Variants in KCNJ6 observed in about 807,000 individuals in gnomAD.
KCNJ6 encodes the protein G protein-activated inward rectifier potassium channel 2.
In KCNJ6, 9 loss-of-function variants were observed where a neutral mutation model predicts 34.2. The observed-to-expected ratio is 0.26, with a 90% CI of 0.16 to 0.46. The LOEUF is 0.46. Ranked by LOEUF, KCNJ6 falls within the 20% of genes least tolerant of loss-of-function variation. KCNJ6 has a pLI of 1.00. For missense variants in KCNJ6, 236 were observed against 531.3 expected, an observed-to-expected ratio of 0.44 and a Z score of 5.46; for synonymous variants, 196 against 207.1, an observed-to-expected ratio of 0.95 and a Z score of 0.46.
At position 37,859,508 on chromosome 21, in the gene KCNJ6, T is replaced by A. The variant is rs1378379444; in HGVS notation, c.-27-18799A>T. On this transcript the variant is annotated intron_variant, in intron 1 of 3. Coordinates refer to ENST00000609713, the MANE Select transcript of KCNJ6 (RefSeq NM_002240.5). ...TACTTTATATATATATATATATATATATATATATATATATATATATATAAA... is the reference window on the plus strand; with the variant it reads ...TACTTTATATATATATATATATATAAATATATATATATATATATATATAAA... 1.0e-4 allele frequency among the ~76,000 whole-genome samples: 12 copies of A among 116,638 alleles called. 2 individuals are homozygous for A. Among genetic ancestry groups the A allele is most frequent in the African/African-American group, 4.9e-4 (12 of 24,576 alleles). 76.5% of individuals were successfully genotyped at this position (116,638 alleles called of 152,430 possible).
chr21:37,908,544 A>G (rs1322399929), intron 1 of KCNJ6, among the ~76,000 whole-genome samples: 2 of 152,230 alleles, frequency 1.3e-5, no homozygotes, highest in Non-Finnish European at 2.9e-5. Context: ...TCTTAGACAC[A>G]ATGTGGGTGT....
chr21:37,607,552 G>A lies in KCNJ6; in HGVS notation c.*17607C>T, dbSNP rs1347354743. On this transcript the variant is annotated 3_prime_UTR_variant, in exon 4 of 4. Transcript: ENST00000609713. Reference sequence around the variant, plus strand: ...AATACATAATTTGTGCTTTCGCATTGAGCATGCTTTCGTCTCATTGTCCGT... The same window carrying A: ...AATACATAATTTGTGCTTTCGCATTAAGCATGCTTTCGTCTCATTGTCCGT... The A allele has an allele frequency of 6.7e-6, 1 of 149,174 alleles. No individual in the cohort carries two copies. The highest frequency in any genetic ancestry group is 2.0e-4 in the East Asian group (1 of 5,042). 9.2% of individuals were successfully genotyped at this position (149,174 alleles called of 1,614,324 possible).
At chr21:37,689,496 A>G (rs2054630202) in intron 3 of KCNJ6, among the ~76,000 whole-genome samples, 2 of 152,068 alleles carry the variant, frequency 1.3e-5, no homozygotes, top group South Asian at 4.1e-4. Flanking sequence ...CCAATAGAGG[A>G]GAGTTACAGT....
At chr21:37,789,873 T>C (rs1327099668) in intron 2 of KCNJ6, among the ~76,000 whole-genome samples, 1 of 152,190 alleles carries the variant, frequency 6.6e-6, no homozygotes, top group Non-Finnish European at 1.5e-5. Flanking sequence ...TGGACACATA[T>C]GCATTAGTCT....
chr21:37,901,427 A>G (rs765812032), intron 1 of KCNJ6, among the ~76,000 whole-genome samples: 4 of 152,192 alleles, frequency 2.6e-5, no homozygotes, highest in Non-Finnish European at 4.4e-5. Context: ...CCACATGGAA[A>G]TAGAGGGATA....
intron 2 of KCNJ6, among the ~76,000 whole-genome samples, chr21:37,828,777 G>C (rs2055411065): frequency 6.6e-6 from 1 of 152,182 alleles, no homozygotes; most frequent in South Asian, 2.1e-4. Flanking sequence ...CTGAGGCTCA[G>C]CGCTTCCTAA....
chr21:37,733,555 G>A (rs1245023510), intron 2 of KCNJ6, among the ~76,000 whole-genome samples: 2 of 151,964 alleles, frequency 1.3e-5, no homozygotes, highest in Non-Finnish European at 2.9e-5. Context: ...AGGGACTGTT[G>A]GTCAACAGCT....
At chr21:37,855,545 T>C (rs962766654) in intron 1 of KCNJ6, among the ~76,000 whole-genome samples, 2 of 152,136 alleles carry the variant, frequency 1.3e-5, no homozygotes, top group Non-Finnish European at 2.9e-5. Context: ...AACAGTTTTG[T>C]GACAAAAAGA....
In KCNJ6 at chr21:37,625,911, A is replaced by G. The variant is rs150375053; in HGVS notation, c.947-427T>C. Among the ~76,000 whole-genome samples the G allele has an allele frequency of 1.3e-4, 20 of 152,352 alleles. No homozygotes were observed. In the East Asian group the frequency reaches 3.9e-3, roughly 29 times the overall value. On this transcript the variant is annotated intron_variant, in intron 3 of 3. Coordinates refer to ENST00000609713, the MANE Select transcript of KCNJ6 (RefSeq NM_002240.5). Reference sequence around the variant, plus strand: ...ATTTGAGCTCTTTGGCCACAGACTTAGAATGAAATTTCATATATGGAACTA... The same window carrying G: ...ATTTGAGCTCTTTGGCCACAGACTTGGAATGAAATTTCATATATGGAACTA...
intron 2 of KCNJ6, among the ~76,000 whole-genome samples, chr21:37,768,018 A>G (rs2055099762): frequency 6.6e-6 from 1 of 152,164 alleles, no homozygotes; most frequent in Non-Finnish European, 1.5e-5. Flanking sequence ...CTTTCATGCA[A>G]ATTATATTTC....
At chr21:37,670,112 GAA>G (rs891373476) in intron 3 of KCNJ6, among the ~76,000 whole-genome samples, 4 of 152,146 alleles carry the variant, frequency 2.6e-5, no homozygotes, top group African/African-American at 9.7e-5. Flanking sequence ...ACCATTTGTT[GAA>G]AAGAGGATTC....
intron 1 of KCNJ6, among the ~76,000 whole-genome samples, chr21:37,880,414 TG>T (rs1318682861): frequency 1.3e-5 from 2 of 152,248 alleles, no homozygotes; most frequent in Non-Finnish European, 2.9e-5. Context: ...ACAAAGGGCA[TG>T]GGCCATGCCA....
intron 1 of KCNJ6, among the ~76,000 whole-genome samples, chr21:37,861,394 TTCTTA>T (rs1007448284): frequency 3.9e-5 from 6 of 152,286 alleles, no homozygotes; most frequent in South Asian, 2.1e-4. Context: ...TCATCTTCTC[TTCTTA>T]TAAGACCACC....
chr21:37,727,936 A>G (rs1342292794), intron 2 of KCNJ6, among the ~76,000 whole-genome samples: 1 of 152,250 alleles, frequency 6.6e-6, no homozygotes, highest in Non-Finnish European at 1.5e-5. Flanking sequence ...GCATAATCAC[A>G]GATCAAGCAA....
At chr21:37,687,957 A>G (rs892709387) in intron 3 of KCNJ6, among the ~76,000 whole-genome samples, 2 of 152,206 alleles carry the variant, frequency 1.3e-5, no homozygotes, top group Non-Finnish European at 2.9e-5. Flanking sequence ...TAGCATATTC[A>G]ATAACTGTGG....
intron 2 of KCNJ6, among the ~76,000 whole-genome samples, chr21:37,783,877 T>G (rs569932042): frequency 2.0e-5 from 3 of 152,316 alleles, no homozygotes; most frequent in Non-Finnish European, 4.4e-5. Flanking sequence ...TCTGTGTGTC[T>G]GTGCACATGC....
chr21:37,629,610 C>A (rs905312362), intron 3 of KCNJ6, among the ~76,000 whole-genome samples: 13 of 152,136 alleles, frequency 8.5e-5, no homozygotes, highest in African/African-American at 2.9e-4. Flanking sequence ...GAGGAGATGG[C>A]CATCTACAAG....
At chr21:37,789,367 T>C (rs1480681957) in intron 2 of KCNJ6, among the ~76,000 whole-genome samples, 1 of 152,122 alleles carries the variant, frequency 6.6e-6, no homozygotes, top group East Asian at 1.9e-4. Context: ...GGTGGCCTTA[T>C]AAGAAGTAGA....
intron 1 of KCNJ6, among the ~76,000 whole-genome samples, chr21:37,842,427 G>T (rs1296264305): frequency 6.6e-6 from 1 of 152,208 alleles, no homozygotes; most frequent in African/African-American, 2.4e-5. Context: ...AACTGGAAGG[G>T]TATGCTTTGA....
Sources: allele counts gnomAD v4.1 joint callset (sites outside exome capture counted in the v4.1 genomes callset), GRCh38; gene constraint gnomAD v4.1.1; transcripts MANE v1.5; gene names NCBI Gene and HGNC (gene_info 2026-07-23, HGNC 2026-07-21).